The following PIP4P2 variants were observed in gnomAD, a reference collection of about 807,000 sequenced individuals.
PIP4P2 encodes the protein phosphatidylinositol-4,5-bisphosphate 4-phosphatase 2, also known as type 2 phosphatidylinositol 4,5-bisphosphate 4-phosphatase.
PIP4P2 carries 19 observed loss-of-function variants against 33.3 expected under a neutral mutation model. That is an observed-to-expected ratio of 0.57 (90% CI 0.40 to 0.84). PIP4P2 has a LOEUF of 0.84. PIP4P2 is among the 40% of genes least tolerant of loss of function. PIP4P2 has a pLI of 0.00. For missense variants in PIP4P2, 270 were observed against 324.7 expected, an observed-to-expected ratio of 0.83 and a Z score of 1.29; for synonymous variants, 110 against 111.9, an observed-to-expected ratio of 0.98 and a Z score of 0.11.
chr8:91,019,292 T>G (rs147617649), intron 3 of PIP4P2, among the ~76,000 whole-genome samples: 92 of 140,654 alleles, frequency 6.5e-4, no homozygotes, highest in African/African-American at 2.1e-3. Flanking sequence ...TTTTAAGAGA[T>G]GGGCCAGGCA....
In PIP4P2 at chr8:91,040,164, T is replaced by C. The variant is rs150318363; in HGVS notation, c.106+480A>G. 1.4e-4 allele frequency among the ~76,000 whole-genome samples: 22 copies of C among 152,284 alleles called. No individual in the cohort carries two copies. The East Asian group carries it at 4.2e-3, about 29-fold the overall frequency. On this transcript the variant is annotated intron_variant, in intron 1 of 6. Transcript: ENST00000285419. ...GAACAGAGCACTGTTGGGTGAATGG[T>C]AGCAGAAGCATATTGTTCAAGCTAA... is the stretch of plus-strand genomic sequence containing the variant.
chr8:91,022,769 G>T (rs1169010699), intron 1 of PIP4P2, among the ~76,000 whole-genome samples: 4 of 152,052 alleles, frequency 2.6e-5, no homozygotes, highest in African/African-American at 9.7e-5. Flanking sequence ...TATAATATAG[G>T]ATTTTTTTCA....
chr8:90,996,071 C>T (rs1237196127), intron 6 of PIP4P2, among the ~76,000 whole-genome samples: 2 of 152,050 alleles, frequency 1.3e-5, no homozygotes, highest in Non-Finnish European at 2.9e-5. Flanking sequence ...GAATTTAATC[C>T]ATGTAACTTC....
At chr8:91,040,194 C>T (rs1812284655) in intron 1 of PIP4P2, among the ~76,000 whole-genome samples, 1 of 152,150 alleles carries the variant, frequency 6.6e-6, no homozygotes, top group African/African-American at 2.4e-5. Context: ...AGCTAAAGCC[C>T]TTTCAAGGAC....
chr8:91,015,298 AGAG>A lies in PIP4P2; in HGVS notation c.486+3089_486+3091del, dbSNP rs546180591. ...TAGCTGACAGCTTTACAAAGAAAGA[AGAG>A]GAGGAGGAGCAGGAAGAGGATAAGG... On this transcript the variant is annotated intron_variant, in intron 4 of 6. Transcript: ENST00000285419. Among the ~76,000 whole-genome samples, 156 of 152,170 alleles carry A rather than the reference AGAG, an allele frequency of 1.0e-3. 2 individuals are homozygous for A. The highest frequency in any genetic ancestry group is 2.2e-4 in the Non-Finnish European group (15 of 68,004).
chr8:91,001,713 T>C (rs959689662), intron 5 of PIP4P2, among the ~76,000 whole-genome samples: 1 of 152,076 alleles, frequency 6.6e-6, no homozygotes, highest in African/African-American at 2.4e-5. Context: ...TTTTTAGAGG[T>C]CTAATTATGC....
intron 1 of PIP4P2, among the ~76,000 whole-genome samples, chr8:91,025,602 G>C (rs1812072093): frequency 6.6e-6 from 1 of 152,056 alleles, no homozygotes; most frequent in Admixed American, 6.5e-5. Flanking sequence ...TACTACATTA[G>C]CATCCTCTAT....
intron 1 of PIP4P2, among the ~76,000 whole-genome samples, chr8:91,040,349 T>C (rs1278832965): frequency 6.6e-6 from 1 of 151,996 alleles, no homozygotes; most frequent in Non-Finnish European, 1.5e-5. Context: ...TCATGTCACA[T>C]ACTGTAGCCC....
At chr8:91,010,396 C>T in intron 4 of PIP4P2, among the ~76,000 whole-genome samples, 1 of 151,838 alleles carries the variant, frequency 6.6e-6, no homozygotes, top group East Asian at 1.9e-4. Flanking sequence ...AACAGACTGA[C>T]ATAGGAATTT....
Position 90,995,593 on chromosome 8 carries a change from A to G in PIP4P2, c.*84T>C, listed in dbSNP as rs1325129433. The stretch of plus-strand genomic sequence containing the variant: ...TACATAAACCAGAATGGAATCCATT[A>G]GGATAAATAATTTAAAGATGTCCAG... On this transcript the variant is annotated 3_prime_UTR_variant, in exon 7 of 7. Coordinates refer to ENST00000285419, the MANE Select transcript of PIP4P2 (RefSeq NM_018710.3). The G allele has an allele frequency of 1.4e-6, 2 of 1,477,876 alleles. No individual in the cohort carries two copies. Among genetic ancestry groups the G allele is most frequent in the Non-Finnish European group, 1.8e-6 (2 of 1,112,532 alleles). 91.5% of individuals were successfully genotyped at this position (1,477,876 alleles called of 1,614,324 possible). A position where few individuals can be genotyped will look rare whatever the true frequency, so the allele number is the denominator to read the frequency against.
At chr8:91,018,300 T>C in intron 4 of PIP4P2, 90 bp downstream of exon 4, 2 of 1,553,392 alleles carry the variant, frequency 1.3e-6, no homozygotes, top group Non-Finnish European at 1.7e-6. Context: ...AATTTGCATT[T>C]GGACAAAACT....
At chr8:91,024,175 A>C (rs1812050415) in intron 1 of PIP4P2, 1 of 236,598 alleles carries the variant, frequency 4.2e-6, no homozygotes, top group Non-Finnish European at 8.8e-6. Context: ...TTGCCACAAT[A>C]AACAGTGCTT....
At chr8:91,006,038 AGC>A in intron 5 of PIP4P2, among the ~76,000 whole-genome samples, 1 of 152,346 alleles carries the variant, frequency 6.6e-6, no homozygotes, top group East Asian at 1.9e-4. Flanking sequence ...GTGAGATAAA[AGC>A]ACATAACACA....
chr8:91,006,775 C>G (rs1436406717), intron 5 of PIP4P2, among the ~76,000 whole-genome samples: 1 of 152,096 alleles, frequency 6.6e-6, no homozygotes, highest in Non-Finnish European at 1.5e-5. Context: ...TCGAGACCAG[C>G]CTGGCCAAAA....
At chr8:91,011,525 C>T (rs1034338366) in intron 4 of PIP4P2, among the ~76,000 whole-genome samples, 10 of 151,992 alleles carry the variant, frequency 6.6e-5, no homozygotes, top group Admixed American at 2.6e-4. Context: ...GGACATACAA[C>T]ATAAAAACTC....
intron 1 of PIP4P2, among the ~76,000 whole-genome samples, chr8:91,032,855 C>G (rs1358113377): frequency 6.6e-6 from 1 of 151,824 alleles, no homozygotes; most frequent in Admixed American, 6.6e-5. Context: ...ACCTGCTTTT[C>G]CCAAATGGAA....
chr8:91,025,932 A>T (rs1395794886), intron 1 of PIP4P2, among the ~76,000 whole-genome samples: 1 of 152,168 alleles, frequency 6.6e-6, no homozygotes, highest in Non-Finnish European at 1.5e-5. Context: ...TTTGAAACCA[A>T]AGAAAACTAT....
Position 91,040,844 on chromosome 8 carries a change from C to CTCT in PIP4P2, c.-96_-95insAGA. On this transcript the variant is annotated 5_prime_UTR_variant, in exon 1 of 7. Transcript: ENST00000285419. ...CTGCTGCCTCTGCTGCCGCTGCTGCCGCTGCAGCTGCTGCTGCTGCCGCCT... is the reference window on the plus strand; with the variant it reads ...CTGCTGCCTCTGCTGCCGCTGCTGCCTCTGCTGCAGCTGCTGCTGCTGCCGCCT... The CTCT allele has an allele frequency of 9.0e-7, 1 of 1,116,562 alleles. No individual in the cohort carries two copies. 69.2% of individuals were successfully genotyped at this position (1,116,562 alleles called of 1,614,324 possible). A position where few individuals can be genotyped will look rare whatever the true frequency, so the allele number is the denominator to read the frequency against.
chr8:91,000,084 T>C (rs932038717), intron 5 of PIP4P2, among the ~76,000 whole-genome samples: 4 of 152,048 alleles, frequency 2.6e-5, no homozygotes, highest in African/African-American at 9.6e-5. Flanking sequence ...CTTAAAATTT[T>C]AACTTTCATA....
Sources: allele counts gnomAD v4.1 joint callset (sites outside exome capture counted in the v4.1 genomes callset), GRCh38; gene constraint gnomAD v4.1.1; transcripts MANE v1.5; gene names NCBI Gene and HGNC (gene_info 2026-07-23, HGNC 2026-07-21).